RNF38: variants seen among roughly 807,000 people sequenced by gnomAD.
The protein encoded by RNF38 is ring finger protein 38.
RNF38 carries 15 observed loss-of-function variants against 67.2 expected under a neutral mutation model. The ratio of observed to expected loss-of-function variants is 0.22; its 90% CI spans 0.15 to 0.34. RNF38 has a LOEUF of 0.34. Ranked by LOEUF, RNF38 falls within the 10% of genes least tolerant of loss-of-function variation. The pLI is 1.00. For missense variants in RNF38, 524 were observed against 639.9 expected (o/e 0.82, Z 1.95); for synonymous variants, 220 against 218.8 (o/e 1.01, Z -0.05).
chr9:36,482,902 A>G (rs910724571), intron 1 of RNF38, among the ~76,000 whole-genome samples: 1 of 152,224 alleles, frequency 6.6e-6, no homozygotes, highest in Non-Finnish European at 1.5e-5. Flanking sequence ...AAAGCTGCAG[A>G]GCAGTGCTAG....
intron 2 of RNF38, among the ~76,000 whole-genome samples, chr9:36,383,482 G>T (rs903889489): frequency 6.6e-6 from 1 of 152,110 alleles, no homozygotes; most frequent in Admixed American, 6.6e-5. Flanking sequence ...GAGCCACCAC[G>T]GCCGGCCTAA....
intron 1 of RNF38, among the ~76,000 whole-genome samples, chr9:36,475,476 G>A (rs1194484672): frequency 6.6e-6 from 1 of 151,672 alleles, no homozygotes; most frequent in East Asian, 2.0e-4. Flanking sequence ...TCCTGCCTCA[G>A]CCTCCCAAGG....
intron 1 of RNF38, among the ~76,000 whole-genome samples, chr9:36,475,374 T>C (rs1840099901): frequency 6.6e-6 from 1 of 151,950 alleles, no homozygotes; most frequent in African/African-American, 2.4e-5. Context: ...TTTGTGTGTG[T>C]GTAAGACAGA....
At chr9:36,370,390 T>C (rs1034836379) in intron 3 of RNF38, among the ~76,000 whole-genome samples, 6 of 152,156 alleles carry the variant, frequency 3.9e-5, no homozygotes, top group Non-Finnish European at 8.8e-5. Flanking sequence ...ATAGTTCCTA[T>C]GTGGCCAAAA....
At chr9:36,454,057 T>G (rs1181656071) in intron 1 of RNF38, among the ~76,000 whole-genome samples, 3 of 152,176 alleles carry the variant, frequency 2.0e-5, no homozygotes, top group Non-Finnish European at 4.4e-5. Flanking sequence ...TCTAAAGCTA[T>G]GTTTAAGATT....
chr9:36,486,126 A>G (rs1305689558), intron 1 of RNF38, among the ~76,000 whole-genome samples: 1 of 151,574 alleles, frequency 6.6e-6, no homozygotes, highest in Non-Finnish European at 1.5e-5. Context: ...CCCCACAATG[A>G]CTGAATACCC....
At chr9:36,476,421 G>C (rs1256509201) in intron 1 of RNF38, among the ~76,000 whole-genome samples, 1 of 150,810 alleles carries the variant, frequency 6.6e-6, no homozygotes, top group Admixed American at 6.6e-5. Flanking sequence ...CAAACCTTGT[G>C]TATTTTATTA....
At position 36,353,462 on chromosome 9, in the gene RNF38, T is replaced by G. The variant is rs137942788; in HGVS notation, c.910-131A>C. 5.4e-3 allele frequency: 2,853 copies of G among 525,954 alleles called. 51 individuals carry two copies. The highest frequency in any genetic ancestry group is 0.046 in the African/African-American group (2,331 of 50,606). The allele number at this position is 525,954 out of a possible 1,614,324, so 32.6% of individuals were successfully genotyped here. A position where few individuals can be genotyped will look rare whatever the true frequency, so the allele number is the denominator to read the frequency against. ...CTTTAAGGCCATGCATCTCTTGATATTCACATGAATCTAAAATTCATACAA... is the reference window on the plus strand; with the variant it reads ...CTTTAAGGCCATGCATCTCTTGATAGTCACATGAATCTAAAATTCATACAA... On this transcript the variant is annotated intron_variant, in intron 6 of 11. Coordinates refer to ENST00000259605, the MANE Select transcript of RNF38 (RefSeq NM_022781.5).
intron 11 of RNF38, among the ~76,000 whole-genome samples, chr9:36,341,336 T>A (rs1223528922): frequency 2.0e-5 from 3 of 152,216 alleles, no homozygotes; most frequent in Non-Finnish European, 2.9e-5. Context: ...CTAAACTAGA[T>A]CTCTGGAACT....
Position 36,459,743 on chromosome 9 carries a change from A to G in RNF38, n.241+27565T>C, listed in dbSNP as rs539629766. Among the ~76,000 whole-genome samples, 3 of 152,232 alleles carry G rather than the reference A, an allele frequency of 2.0e-5. 1 individual carries two copies. Among genetic ancestry groups the G allele is most frequent in the African/African-American group, 7.2e-5 (3 of 41,550 alleles). On this transcript the variant is annotated intron_variant and non_coding_transcript_variant, in intron 1 of 3. Transcript: ENST00000488058. ...ACTAAATACTATTTTCACTTCAGAGACTTGCGGATTTTAGGAAAGTTTATT... is the reference window on the plus strand; with the variant it reads ...ACTAAATACTATTTTCACTTCAGAGGCTTGCGGATTTTAGGAAAGTTTATT...
chr9:36,435,187 G>A (rs932214969), intron 1 of RNF38, among the ~76,000 whole-genome samples: 1 of 152,142 alleles, frequency 6.6e-6, no homozygotes, highest in African/African-American at 2.4e-5. Flanking sequence ...AGCAGGACAG[G>A]CATCAAAGAA....
At chr9:36,475,145 CA>C (rs10572878) in intron 1 of RNF38, among the ~76,000 whole-genome samples, 47,006 of 122,188 alleles carry the variant, frequency 0.38, 8,637 homozygotes, top group Middle Eastern at 0.5. Flanking sequence ...GACTCTGCCT[CA>C]AAAAAAAAAA....
In RNF38 at chr9:36,336,760, A is replaced by C. The variant is rs1436536743; in HGVS notation, c.*2992T>G. The C allele has an allele frequency of 6.6e-6, 1 of 152,650 alleles. No individual in the cohort carries two copies. The highest frequency in any genetic ancestry group is 2.4e-5 in the African/African-American group (1 of 41,470). The allele number at this position is 152,650 out of a possible 1,614,324, so 9.5% of individuals were successfully genotyped here. A position where few individuals can be genotyped will look rare whatever the true frequency, so the allele number is the denominator to read the frequency against. On this transcript the variant is annotated 3_prime_UTR_variant, in exon 12 of 12. Transcript: ENST00000259605. ...AAACAGCTTTCTAATGAAAAGGCCC[A>C]AAGATAATCTGTGAAAAATATTCTC...
intron 2 of RNF38, among the ~76,000 whole-genome samples, chr9:36,410,772 A>T (rs566104051): frequency 6.6e-6 from 1 of 152,314 alleles, no homozygotes; most frequent in South Asian, 2.1e-4. Flanking sequence ...CCACATATAA[A>T]AACAATCCTA....
intron 1 of RNF38, among the ~76,000 whole-genome samples, chr9:36,396,254 T>C (rs1433015691): frequency 1.3e-5 from 2 of 152,362 alleles, no homozygotes; most frequent in Non-Finnish European, 2.9e-5. Flanking sequence ...TGGTTGGCAA[T>C]GAGACAAGCT....
At chr9:36,367,862 A>AT (rs993209446) in intron 4 of RNF38, among the ~76,000 whole-genome samples, 3 of 152,098 alleles carry the variant, frequency 2.0e-5, no homozygotes, top group Admixed American at 6.6e-5. Flanking sequence ...AGATGTTTTT[A>AT]TTTTTTTGAG....
At chr9:36,399,957 TAAGAA>T (rs1375984992) in intron 1 of RNF38, 135 bp downstream of exon 1, 1 of 752,078 alleles carries the variant, frequency 1.3e-6, no homozygotes, top group African/African-American at 1.8e-5. Context: ...GTCCACCGCT[TAAGAA>T]AAAAGAAATG....
chr9:36,487,543 G>A (rs1046623321), exon 1 of RNF38: 2 of 980,890 alleles, frequency 2.0e-6, no homozygotes, highest in African/African-American at 3.5e-5. Flanking sequence ...CGACCGCGGC[G>A]GCCGCGCTTC....
At chr9:36,397,505 C>G (rs943487808) in intron 1 of RNF38, among the ~76,000 whole-genome samples, 1 of 152,118 alleles carries the variant, frequency 6.6e-6, no homozygotes, top group Non-Finnish European at 1.5e-5. Flanking sequence ...CTGCCCAGCA[C>G]CGGACAATCA....
Sources: gnomAD v4.1 joint callset for allele counts (sites outside exome capture counted in the v4.1 genomes callset) on GRCh38, gnomAD v4.1.1 for gene constraint, MANE v1.5 for transcripts, NCBI Gene and HGNC (gene_info 2026-07-23, HGNC 2026-07-21) for gene names.